Variants in DGKB observed in about 807,000 individuals in gnomAD.
DGKB encodes the protein diacylglycerol kinase beta.
Under a neutral mutation model 114.3 loss-of-function variants are expected in DGKB, and 67 were observed. The ratio of observed to expected loss-of-function variants is 0.59; its 90% CI spans 0.48 to 0.72. DGKB has a LOEUF of 0.72. Among genes scored for constraint, DGKB ranks in the 30% least tolerant of loss-of-function variants. The probability of loss-of-function intolerance (pLI) is 0.00; values close to 1 mark genes in which losing one functional copy is unlikely to be tolerated. For missense variants in DGKB, 907 were observed against 975.2 expected, an observed-to-expected ratio of 0.93 and a Z score of 0.93; for synonymous variants, 398 against 323.1, an observed-to-expected ratio of 1.23 and a Z score of -2.49.
intron 20 of DGKB, among the ~76,000 whole-genome samples, chr7:14,571,324 A>T (rs536529002): frequency 6.6e-6 from 1 of 152,330 alleles, no homozygotes; most frequent in African/African-American, 2.4e-5. Context: ...AGTGGAACTG[A>T]CTTGATTTGA....
intron 13 of DGKB, among the ~76,000 whole-genome samples, chr7:14,663,163 A>T (rs1189165318): frequency 2.0e-5 from 3 of 152,140 alleles, no homozygotes; most frequent in Admixed American, 6.6e-5. Flanking sequence ...TAACTGAACC[A>T]ATTTACTCTC....
intron 20 of DGKB, among the ~76,000 whole-genome samples, chr7:14,562,537 G>A (rs999997356): frequency 1.3e-5 from 2 of 152,190 alleles, no homozygotes; most frequent in African/African-American, 4.8e-5. Context: ...ACACAGAGGT[G>A]GAGCTGTCCA....
intron 23 of DGKB, among the ~76,000 whole-genome samples, chr7:14,234,464 G>A (rs991693527): frequency 2.0e-5 from 3 of 151,968 alleles, no homozygotes; most frequent in East Asian, 1.9e-4. Context: ...CATGAACCAC[G>A]CAATGCTAAG....
At chr7:14,260,810 A>G (rs1280016809) in intron 23 of DGKB, among the ~76,000 whole-genome samples, 1 of 152,102 alleles carries the variant, frequency 6.6e-6, no homozygotes, top group Non-Finnish European at 1.5e-5. Context: ...TAACATTTAT[A>G]TCAGGTAAGG....
At chr7:14,645,293 T>C (rs1211647690) in intron 13 of DGKB, among the ~76,000 whole-genome samples, 1 of 152,166 alleles carries the variant, frequency 6.6e-6, no homozygotes. Flanking sequence ...ACCTTGATCC[T>C]TTTGGTCACG....
intron 21 of DGKB, among the ~76,000 whole-genome samples, chr7:14,388,406 G>A (rs1326699303): frequency 1.4e-5 from 2 of 147,690 alleles, no homozygotes; most frequent in Non-Finnish European, 3.0e-5. Context: ...ATATATGTAT[G>A]TAGATGTGTG....
intron 23 of DGKB, among the ~76,000 whole-genome samples, chr7:14,279,589 T>C (rs896151769): frequency 4.6e-5 from 7 of 152,206 alleles, no homozygotes; most frequent in Non-Finnish European, 2.9e-5. Flanking sequence ...GCCCCCACTC[T>C]CTTCTGGCTT....
chr7:14,665,043 A>C (rs1209621444), intron 13 of DGKB, among the ~76,000 whole-genome samples: 2 of 152,056 alleles, frequency 1.3e-5, no homozygotes, highest in East Asian at 3.9e-4. Flanking sequence ...AATTCATATA[A>C]AACAATGGTT....
At chr7:14,445,751 T>G (rs973919910) in intron 21 of DGKB, among the ~76,000 whole-genome samples, 13 of 152,100 alleles carry the variant, frequency 8.5e-5, no homozygotes, top group Admixed American at 3.9e-4. Flanking sequence ...AAAAATAGTG[T>G]CCCTAATAAC....
At chr7:14,259,760 C>T (rs1179425368) in intron 23 of DGKB, among the ~76,000 whole-genome samples, 3 of 147,628 alleles carry the variant, frequency 2.0e-5, no homozygotes, top group Admixed American at 6.7e-5. Flanking sequence ...ATTGTCATTG[C>T]GTTTGCCTTG....
intron 2 of DGKB, among the ~76,000 whole-genome samples, chr7:14,837,504 C>T (rs1195899533): frequency 6.6e-6 from 1 of 152,130 alleles, no homozygotes; most frequent in Non-Finnish European, 1.5e-5. Context: ...TTGATATATA[C>T]CAAATATAAT....
rs148894248 is a variant in DGKB at position 14,545,422 on chromosome 7, C to A, written c.1770+28790G>T. On this transcript the variant is annotated intron_variant, in intron 20 of 25. Coordinates refer to ENST00000402815, the MANE Select transcript of DGKB (RefSeq NM_001350709.2). Reference sequence around the variant, plus strand: ...GCATGGACGCAAAGAGATTGGGACTCTTTCAGACTTGCAATAAGCCATGAA... The same window carrying A: ...GCATGGACGCAAAGAGATTGGGACTATTTCAGACTTGCAATAAGCCATGAA... Among the ~76,000 whole-genome samples the A allele has an allele frequency of 2.0e-3, 310 of 152,274 alleles. 2 individuals carry two copies. Among genetic ancestry groups the A allele is most frequent in the African/African-American group, 7.2e-3 (298 of 41,564 alleles).
intron 1 of DGKB, among the ~76,000 whole-genome samples, chr7:14,879,959 T>C (rs1459113884): frequency 6.6e-6 from 1 of 152,158 alleles, no homozygotes; most frequent in African/African-American, 2.4e-5. Context: ...TACTTAGCAT[T>C]TCTCAGCCTC....
At chr7:14,458,091 C>T (rs1387827999) in intron 21 of DGKB, among the ~76,000 whole-genome samples, 1 of 152,104 alleles carries the variant, frequency 6.6e-6, no homozygotes, top group East Asian at 1.9e-4. Flanking sequence ...AAACGATGCT[C>T]TAAAGATTCT....
intron 23 of DGKB, among the ~76,000 whole-genome samples, chr7:14,305,320 T>G (rs1407851240): frequency 6.6e-6 from 1 of 152,212 alleles, no homozygotes; most frequent in Non-Finnish European, 1.5e-5. Flanking sequence ...AACACCATGC[T>G]ACTTACTACC....
intron 21 of DGKB, among the ~76,000 whole-genome samples, chr7:14,463,245 G>C (rs1833348655): frequency 6.6e-6 from 1 of 152,032 alleles, no homozygotes; most frequent in African/African-American, 2.4e-5. Context: ...CCTGTCAGGG[G>C]GTGGGGGGCC....
chr7:14,281,252 A>G (rs965837215), intron 23 of DGKB, among the ~76,000 whole-genome samples: 12 of 151,848 alleles, frequency 7.9e-5, no homozygotes, highest in South Asian at 6.3e-4. Context: ...CAAAGATCAA[A>G]AGAGACAAAA....
rs191656025 is a variant in DGKB, at chr7:14,846,832, C to T, written c.-187-5382G>A. Among the ~76,000 whole-genome samples, 9 of 152,254 alleles carry T rather than the reference C, an allele frequency of 5.9e-5. No individual in the cohort carries two copies. In the East Asian group the frequency reaches 7.7e-4, roughly 13 times the overall value. On this transcript the variant is annotated intron_variant, in intron 1 of 25. Transcript: ENST00000402815. Reference sequence around the variant, plus strand: ...CTAAAGCACAATCCCTATAATTAGGCGAGAAATCAACCTACTCGTGAAGAC... The same window carrying T: ...CTAAAGCACAATCCCTATAATTAGGTGAGAAATCAACCTACTCGTGAAGAC...
Position 14,890,991 on chromosome 7 carries a change from T to C in DGKB, c.-188+11601A>G, listed in dbSNP as rs372623263. The stretch of plus-strand genomic sequence containing the variant: ...ATTCTCTCAAAATAGAATAACATTA[T>C]TGAGTATTATCTCCAGAACAAGAAA... On this transcript the variant is annotated intron_variant, in intron 1 of 25. Coordinates refer to ENST00000402815, the MANE Select transcript of DGKB (RefSeq NM_001350709.2). 3.3e-5 allele frequency among the ~76,000 whole-genome samples: 5 copies of C among 151,590 alleles called. No individual in the cohort carries two copies. The East Asian group carries it at 7.8e-4, about 24-fold the overall frequency.
Sources: allele counts gnomAD v4.1 joint callset (sites outside exome capture counted in the v4.1 genomes callset), GRCh38; gene constraint gnomAD v4.1.1; transcripts MANE v1.5; gene names NCBI Gene and HGNC (gene_info 2026-07-23, HGNC 2026-07-21).